Variants in CDIN1 observed in about 807,000 individuals in gnomAD.
The protein encoded by CDIN1 is CDAN1-interacting nuclease 1.
A neutral mutation model predicts 45.3 loss-of-function variants in CDIN1; 33 were observed. The observed-to-expected ratio is 0.73, with a 90% CI of 0.55 to 0.97. The LOEUF (loss-of-function observed/expected upper bound fraction) is 0.97, where lower values mean the gene tolerates loss of function less well. Ranked by LOEUF, CDIN1 falls within the 50% of genes least tolerant of loss-of-function variation. The pLI is 0.00. For synonymous variants in CDIN1, 118 were observed against 124.4 expected (o/e 0.95, Z 0.34); for missense variants, 303 against 339.4 (o/e 0.89, Z 0.84).
chr15:36,697,982 A>AGTAT (rs1332652783), intron 8 of CDIN1, among the ~76,000 whole-genome samples: 3 of 152,202 alleles, frequency 2.0e-5, no homozygotes, highest in Admixed American at 1.3e-4. Context: ...AAGTGATCAC[A>AGTAT]GAAACCATAA....
chr15:36,592,328 T>C (rs1461453597), intron 1 of CDIN1, among the ~76,000 whole-genome samples: 1 of 152,100 alleles, frequency 6.6e-6, no homozygotes, highest in East Asian at 1.9e-4. Flanking sequence ...AGTAGGAGTA[T>C]TTACACCACA....
intron 5 of CDIN1, among the ~76,000 whole-genome samples, chr15:36,689,682 A>G (rs1205728864): frequency 1.3e-5 from 2 of 152,104 alleles, no homozygotes; most frequent in Admixed American, 6.5e-5. Context: ...CAGGCACATT[A>G]TTTTTTTAAT....
At chr15:36,797,961 C>CA in intron 10 of CDIN1, among the ~76,000 whole-genome samples, 1 of 121,090 alleles carries the variant, frequency 8.3e-6, no homozygotes, top group South Asian at 2.6e-4. Flanking sequence ...GCCTGAGTGA[C>CA]AGAGCAAGAC....
chr15:36,690,321 T>G (rs1595475830), intron 5 of CDIN1, among the ~76,000 whole-genome samples: 1 of 151,858 alleles, frequency 6.6e-6, no homozygotes, highest in African/African-American at 2.4e-5. Flanking sequence ...CAGGCTGGAG[T>G]GCAGTGGCTC....
At chr15:36,649,970 AAAAGTGGTCC>A (rs1400255038) in intron 3 of CDIN1, among the ~76,000 whole-genome samples, 5 of 152,228 alleles carry the variant, frequency 3.3e-5, no homozygotes, top group African/African-American at 1.2e-4. Flanking sequence ...AATTGAACAA[AAAAGTGGTCC>A]AAATTTTCAG....
At chr15:36,794,547 T>G (rs988653950) in intron 10 of CDIN1, among the ~76,000 whole-genome samples, 1 of 152,232 alleles carries the variant, frequency 6.6e-6, no homozygotes, top group African/African-American at 2.4e-5. Context: ...GCATACAGTA[T>G]TTGTCCGTTT....
chr15:36,671,141 G>A (rs2041435286), intron 5 of CDIN1, among the ~76,000 whole-genome samples: 1 of 152,154 alleles, frequency 6.6e-6, no homozygotes, highest in African/African-American at 2.4e-5. Context: ...GCCTTATTCT[G>A]AGGTATTTAG....
chr15:36,705,108 G>A (rs971762847), intron 8 of CDIN1: 8 of 152,098 alleles, frequency 5.3e-5, no homozygotes, highest in South Asian at 4.1e-4. Flanking sequence ...TTCTTTATGC[G>A]TCTGTAATTT....
At chr15:36,796,595 AC>A (rs2054808437) in intron 10 of CDIN1, among the ~76,000 whole-genome samples, 1 of 152,216 alleles carries the variant, frequency 6.6e-6, no homozygotes. Flanking sequence ...CCAGTCCCCT[AC>A]CAGGCATCTG....
chr15:36,702,165 G>A (rs893725373), intron 8 of CDIN1: 1 of 700,904 alleles, frequency 1.4e-6, no homozygotes, highest in Non-Finnish European at 2.6e-6. Context: ...ATTTCATAAG[G>A]AATCCACCAT....
At chr15:36,618,768 A>AG (rs1435713237) in intron 1 of CDIN1, 4 of 755,410 alleles carry the variant, frequency 5.3e-6, no homozygotes, top group African/African-American at 1.8e-5. Context: ...AGCCAAAAAA[A>AG]AAAAAAAAAA....
chr15:36,648,458 G>A (rs1272497045), intron 3 of CDIN1, among the ~76,000 whole-genome samples: 1 of 129,290 alleles, frequency 7.7e-6, no homozygotes, highest in Non-Finnish European at 1.6e-5. Context: ...TTGAGACGGA[G>A]TCTCCCTCTG....
chr15:36,667,968 T>C (rs1013463110), intron 5 of CDIN1: 4 of 152,186 alleles, frequency 2.6e-5, no homozygotes, highest in African/African-American at 9.6e-5. Context: ...TGATCTGTGA[T>C]GTCATTGTAT....
chr15:36,662,483 ACCTG>A (rs2041054556), intron 5 of CDIN1, among the ~76,000 whole-genome samples: 1 of 900 alleles, frequency 1.1e-3, no homozygotes, highest in Admixed American at 0.02. Flanking sequence ...CATCTTCAAA[ACCTG>A]AGTTTCAGTA....
intron 3 of CDIN1, among the ~76,000 whole-genome samples, chr15:36,648,936 G>A (rs985937807): frequency 1.3e-5 from 2 of 152,110 alleles, no homozygotes; most frequent in Admixed American, 1.3e-4. Flanking sequence ...TGCTGTAAAT[G>A]TATTTGTTTT....
chr15:36,584,146 T>TA (rs1216074052), intron 1 of CDIN1, among the ~76,000 whole-genome samples: 1 of 152,242 alleles, frequency 6.6e-6, no homozygotes, highest in Admixed American at 6.5e-5. Context: ...ATGGTGGTCA[T>TA]AGTGGTGGTG....
At chr15:36,791,902 A>G (rs2141090253) in intron 10 of CDIN1, among the ~76,000 whole-genome samples, 1 of 152,342 alleles carries the variant, frequency 6.6e-6, no homozygotes, top group African/African-American at 2.4e-5. Flanking sequence ...TGAGATGCTC[A>G]CAGAGTACTT....
At chr15:36,756,198 G>A (rs980495833) in intron 10 of CDIN1, 2 of 451,698 alleles carry the variant, frequency 4.4e-6, no homozygotes, top group Non-Finnish European at 4.5e-6. Flanking sequence ...TATCTTAAAT[G>A]TGAAATTACC....
chr15:36,626,319 G>A (rs1446733707), intron 1 of CDIN1, among the ~76,000 whole-genome samples: 2 of 151,192 alleles, frequency 1.3e-5, no homozygotes, highest in Admixed American at 6.6e-5. Flanking sequence ...CAGTCTGTGG[G>A]CCTTGTTCCA....
Sources: allele counts gnomAD v4.1 joint callset (sites outside exome capture counted in the v4.1 genomes callset), GRCh38; gene constraint gnomAD v4.1.1; transcripts MANE v1.5; gene names NCBI Gene and HGNC (gene_info 2026-07-23, HGNC 2026-07-21).